Variants in GRIP1 observed in about 807,000 individuals in gnomAD.
GRIP1 encodes glutamate receptor-interacting protein 1.
GRIP1 carries 45 observed loss-of-function variants against 129.9 expected under a neutral mutation model. That is an observed-to-expected ratio of 0.35 (90% CI 0.27 to 0.44). GRIP1 has a LOEUF of 0.44. Ranked by LOEUF, GRIP1 falls within the 20% of genes least tolerant of loss-of-function variation. GRIP1 has a pLI of 1.00. For missense variants in GRIP1, 1,196 were observed against 1,396.8 expected (o/e 0.86, Z 2.29); for synonymous variants, 530 against 520.8 (o/e 1.02, Z -0.24).
At chr12:66,725,044 C>T (rs181138427) in intron 1 of GRIP1, among the ~76,000 whole-genome samples, 168 of 152,286 alleles carry the variant, frequency 1.1e-3, no homozygotes, top group Non-Finnish European at 1.7e-3. Flanking sequence ...GTAATCCCAG[C>T]GCTTTTGGAG....
At chr12:66,486,102 T>G (rs555313294) in intron 7 of GRIP1, among the ~76,000 whole-genome samples, 1 of 152,206 alleles carries the variant, frequency 6.6e-6, no homozygotes, top group Non-Finnish European at 1.5e-5. Context: ...TCTTGACCCC[T>G]TTTAGTGTGG....
intron 1 of GRIP1, among the ~76,000 whole-genome samples, chr12:66,817,174 GTA>G (rs919788237): frequency 2.8e-5 from 4 of 141,594 alleles, no homozygotes; most frequent in African/African-American, 7.8e-5. Context: ...TTTCATCACA[GTA>G]TATATATATA....
intron 1 of GRIP1, among the ~76,000 whole-genome samples, chr12:66,984,995 T>C (rs1484930165): frequency 2.0e-5 from 3 of 152,220 alleles, no homozygotes; most frequent in Non-Finnish European, 4.4e-5. Context: ...GGTGGTTCTA[T>C]GCCTTAGAAT....
chr12:67,009,210 A>T (rs1260808214), intron 1 of GRIP1, among the ~76,000 whole-genome samples: 1 of 152,150 alleles, frequency 6.6e-6, no homozygotes, highest in East Asian at 1.9e-4. Flanking sequence ...CTGGGAATCA[A>T]GCAAAAAAAG....
At chr12:66,941,085 T>C (rs1347234626) in intron 1 of GRIP1, among the ~76,000 whole-genome samples, 2 of 152,132 alleles carry the variant, frequency 1.3e-5, no homozygotes, top group East Asian at 3.8e-4. Context: ...TTGATGAATG[T>C]GCAGGAAATG....
intron 23 of GRIP1, among the ~76,000 whole-genome samples, chr12:66,364,720 T>G (rs1047938750): frequency 6.6e-6 from 1 of 152,164 alleles, no homozygotes; most frequent in East Asian, 1.9e-4. Flanking sequence ...ATCACTCCTT[T>G]CACATGAAAA....
chr12:66,834,575 T>C (rs892024412), intron 1 of GRIP1, among the ~76,000 whole-genome samples: 1 of 152,168 alleles, frequency 6.6e-6, no homozygotes, highest in East Asian at 1.9e-4. Context: ...TAAAAGCCAA[T>C]ATGTTATCAT....
intron 23 of GRIP1, among the ~76,000 whole-genome samples, chr12:66,358,266 G>T (rs2054587161): frequency 6.6e-6 from 1 of 152,172 alleles, no homozygotes; most frequent in Non-Finnish European, 1.5e-5. Context: ...TTGGCCACAG[G>T]AAGTCTTTCC....
chr12:67,045,610 C>CT (rs1256078219), intron 1 of GRIP1, among the ~76,000 whole-genome samples: 9 of 152,132 alleles, frequency 5.9e-5, no homozygotes, highest in Non-Finnish European at 8.8e-5. Context: ...CCTGAGTAAG[C>CT]CAGTGTGAGA....
intron 1 of GRIP1, among the ~76,000 whole-genome samples, chr12:66,845,965 A>T (rs1186727146): frequency 1.3e-5 from 2 of 152,080 alleles, no homozygotes; most frequent in Admixed American, 6.6e-5. Context: ...TTTCCATTAA[A>T]CTGGAATATT....
chr12:66,349,073 C>T lies in GRIP1; in HGVS notation c.3333G>A (p.Gln1111=), dbSNP rs1592661630. ...DWSEQNSAFF[Q]QPSHGGNLET... ...CCAAATTACCACCGTGGCTAGGCTG[C>T]TGGAAAAAAGCACTGTTCTGTTCAC... is the stretch of plus-strand genomic sequence containing the variant. Residue 1111 remains glutamine, a synonymous_variant, in exon 25 of 25, where the codon CAG becomes CAA. Coordinates refer to ENST00000359742, the MANE Select transcript of GRIP1 (RefSeq NM_001366722.1). 1.9e-6 allele frequency: 3 copies of T among 1,614,064 alleles called. No individual in the cohort carries two copies. Among genetic ancestry groups the T allele is most frequent in the Non-Finnish European group, 2.5e-6 (3 of 1,179,948 alleles).
rs188745506 is a variant in GRIP1, at chr12:66,770,547, C to T, written c.-420+33506G>A. Among the ~76,000 whole-genome samples, 535 of 152,122 alleles carry T rather than the reference C, an allele frequency of 3.5e-3. 3 individuals carry two copies. The highest frequency in any genetic ancestry group is 0.017 in the Middle Eastern group (5 of 294). ...TGGGAAATAGCAAGCTGACGGTCACCGCTGGGTCAGCACCTGGAGAAGCTG... is the reference window on the plus strand; with the variant it reads ...TGGGAAATAGCAAGCTGACGGTCACTGCTGGGTCAGCACCTGGAGAAGCTG... On this transcript the variant is annotated intron_variant, in intron 1 of 4. Transcript: ENST00000538373.
At chr12:66,805,104 C>A (rs1310028379), upstream of GRIP1, among the ~76,000 whole-genome samples, 2 of 151,568 alleles carry the variant, frequency 1.3e-5, no homozygotes, top group African/African-American at 4.8e-5. Context: ...ACAAATAATC[C>A]AACTCAACTT....
At chr12:66,923,229 C>T (rs905243597) in intron 1 of GRIP1, among the ~76,000 whole-genome samples, 1 of 152,050 alleles carries the variant, frequency 6.6e-6, no homozygotes, top group African/African-American at 2.4e-5. Context: ...TCCTGTAATC[C>T]CAGCATTTGA....
At chr12:66,415,450 G>A (rs753956120) in intron 15 of GRIP1, among the ~76,000 whole-genome samples, 16 of 152,182 alleles carry the variant, frequency 1.1e-4, no homozygotes, top group Non-Finnish European at 2.1e-4. Context: ...AGAGAAAAAG[G>A]AATGCTTTTA....
intron 1 of GRIP1, among the ~76,000 whole-genome samples, chr12:66,601,372 C>G (rs1290431440): frequency 6.6e-6 from 1 of 152,186 alleles, no homozygotes; most frequent in Non-Finnish European, 1.5e-5. Context: ...TCTCCTCATG[C>G]TCTCAAATCC....
At chr12:66,591,605 A>G (rs957358180) in intron 2 of GRIP1, among the ~76,000 whole-genome samples, 1 of 151,968 alleles carries the variant, frequency 6.6e-6, no homozygotes, top group Non-Finnish European at 1.5e-5. Context: ...CTCATCCCTG[A>G]GATGCACTCA....
intron 18 of GRIP1, 73 bp downstream of exon 18, chr12:66,392,604 G>C (rs971199891): frequency 3.8e-6 from 6 of 1,581,110 alleles, no homozygotes; most frequent in African/African-American, 1.3e-5. Context: ...ATTACACACA[G>C]ACACTAGCAC....
In GRIP1 at chr12:66,485,981, C is replaced by T. The variant is rs533145249; in HGVS notation, c.725-20559G>A. ...CACTCTGTTCTGTTTGTCTTTTCTT[C>T]GTGTGTCAGTACCATATTGTCTTAA... On this transcript the variant is annotated intron_variant, in intron 7 of 24. Coordinates refer to ENST00000359742, the MANE Select transcript of GRIP1 (RefSeq NM_001366722.1). Among the ~76,000 whole-genome samples the T allele has an allele frequency of 2.5e-3, 384 of 152,024 alleles. 1 individual carries two copies. The highest frequency in any genetic ancestry group is 8.7e-3 in the African/African-American group (362 of 41,490).
Sources: allele counts gnomAD v4.1 joint callset (sites outside exome capture counted in the v4.1 genomes callset), GRCh38; gene constraint gnomAD v4.1.1; transcripts MANE v1.5; gene names NCBI Gene and HGNC (gene_info 2026-07-23, HGNC 2026-07-21).